The following DYNC2LI1 variants were observed in gnomAD, a reference collection of about 807,000 sequenced individuals.
DYNC2LI1 encodes dynein cytoplasmic 2 light intermediate chain 1.
In DYNC2LI1, 45 loss-of-function variants were observed where a neutral mutation model predicts 51.9. The ratio of observed to expected loss-of-function variants is 0.87; its 90% CI spans 0.68 to 1.11. The LOEUF (loss-of-function observed/expected upper bound fraction) is 1.11, where lower values mean the gene tolerates loss of function less well. Among genes scored for constraint, DYNC2LI1 ranks in the 50% most tolerant of loss-of-function variants. The pLI is 0.00. For synonymous variants in DYNC2LI1, 130 were observed against 137.8 expected (o/e 0.94, Z 0.40); for missense variants, 490 against 417.4 (o/e 1.17, Z -1.51).
At chr2:43,795,823 A>G in intron 6 of DYNC2LI1, 67 bp from the exon 7 acceptor site, 2 of 1,213,974 alleles carry the variant, frequency 1.6e-6, no homozygotes, top group Middle Eastern at 1.9e-4. Flanking sequence ...TTTGGAAGTA[A>G]ATAGAAATTG....
intron 3 of DYNC2LI1, among the ~76,000 whole-genome samples, chr2:43,785,397 C>T (rs536766337): frequency 2.6e-5 from 4 of 151,912 alleles, no homozygotes; most frequent in African/African-American, 9.6e-5. Flanking sequence ...ATGGATGAAC[C>T]TTGAGGCATT....
intron 12 of DYNC2LI1, among the ~76,000 whole-genome samples, chr2:43,807,562 C>G (rs13384972): frequency 0.21 from 32,214 of 151,586 alleles, 3,920 homozygotes; most frequent in African/African-American, 0.31. Context: ...ATCTCAGCCT[C>G]TCAAGTAGCT....
chr2:43,824,072 G>A, the DYNC2LI1 span: 14 of 1,614,164 alleles, frequency 8.7e-6, no homozygotes, highest in Middle Eastern at 1.6e-4. Context: ...TGAAGGAGAC[G>A]CGTAATCACT....
rs1010560337 is a variant in DYNC2LI1 at position 43,800,824 on chromosome 2, T to C, written c.655-17T>C. ...GGAAAATAGAGCATGTAATTTGTTC[T>C]CCTGATTTGTTTAAAGTTTACCAGT... On this transcript the variant is annotated splice_polypyrimidine_tract_variant and intron_variant, in intron 8 of 12. Coordinates refer to ENST00000260605, the MANE Select transcript of DYNC2LI1 (RefSeq NM_016008.4). 9.6e-6 allele frequency: 14 copies of C among 1,454,302 alleles called. No homozygotes were observed. The highest frequency in any genetic ancestry group is 1.3e-5 in the Non-Finnish European group (14 of 1,053,776). 90.1% of individuals were successfully genotyped at this position (1,454,302 alleles called of 1,614,324 possible). A position where few individuals can be genotyped will look rare whatever the true frequency, so the allele number is the denominator to read the frequency against.
At chr2:43,813,708 C>CCTT (rs1558715512), downstream of DYNC2LI1, among the ~76,000 whole-genome samples, 2 of 35,372 alleles carry the variant, frequency 5.7e-5, no homozygotes, top group African/African-American at 1.0e-4. Flanking sequence ...TTTTTTTTTT[C>CCTT]GTTTTTTTTT....
the DYNC2LI1 span, among the ~76,000 whole-genome samples, chr2:43,818,305 A>G: frequency 1.3e-5 from 2 of 152,038 alleles, no homozygotes; most frequent in Admixed American, 6.5e-5. Context: ...TTAGCCGAGC[A>G]TGGTGGCGCA....
At chr2:43,801,349 T>A in intron 9 of DYNC2LI1, 1 of 206,268 alleles carries the variant, frequency 4.8e-6, no homozygotes. Flanking sequence ...TTTTACTGAT[T>A]TGAAATGGAA....
At chr2:43,826,543 A>C in the DYNC2LI1 span, 1 of 1,614,168 alleles carries the variant, frequency 6.2e-7, no homozygotes, top group East Asian at 2.2e-5. Flanking sequence ...GAAGGGCCAG[A>C]CTTCTAAGGT....
the DYNC2LI1 span, chr2:43,826,454 G>A: frequency 6.2e-7 from 1 of 1,614,174 alleles, no homozygotes; most frequent in Non-Finnish European, 8.5e-7. Flanking sequence ...GTTCCACCAG[G>A]AGGACGACAA....
intron 12 of DYNC2LI1, among the ~76,000 whole-genome samples, chr2:43,807,507 A>AT (rs1666306361): frequency 6.6e-6 from 1 of 151,900 alleles, no homozygotes; most frequent in African/African-American, 2.4e-5. Flanking sequence ...TGGGGAGATC[A>AT]TGGCTCACTG....
downstream of DYNC2LI1, among the ~76,000 whole-genome samples, chr2:43,811,024 C>T (rs1458467381): frequency 6.6e-5 from 10 of 152,296 alleles, no homozygotes; most frequent in East Asian, 1.9e-3. Context: ...CTTGAAGTCA[C>T]GTGTGATGTC....
At chr2:43,804,898 TAA>T (rs200696232) in intron 11 of DYNC2LI1, among the ~76,000 whole-genome samples, 159 bp downstream of exon 11, 56 of 144,242 alleles carry the variant, frequency 3.9e-4, no homozygotes, top group Admixed American at 3.5e-4. Flanking sequence ...CTGTGGGGGT[TAA>T]AAAAAAAAAA....
At chr2:43,802,374 GT>G (rs755071472) in intron 10 of DYNC2LI1, among the ~76,000 whole-genome samples, 1,452 of 135,454 alleles carry the variant, frequency 0.011, 14 homozygotes, top group African/African-American at 0.028. Flanking sequence ...GGGCAGTAGG[GT>G]TTTTTTTTTT....
intron 3 of DYNC2LI1, 116 bp from the exon 4 acceptor site, chr2:43,787,065 G>C: frequency 1.4e-6 from 1 of 717,478 alleles, no homozygotes; most frequent in Non-Finnish European, 2.4e-6. Context: ...TATTATACAA[G>C]GTAACTTCTC....
At chr2:43,795,055 A>G (rs1673969699) in intron 6 of DYNC2LI1, 3 of 1,036,278 alleles carry the variant, frequency 2.9e-6, no homozygotes, top group South Asian at 4.4e-5. Flanking sequence ...TGTATTTTAC[A>G]TTCATTTCGT....
downstream of DYNC2LI1, among the ~76,000 whole-genome samples, chr2:43,814,110 T>C (rs1246984322): frequency 1.3e-5 from 2 of 152,136 alleles, no homozygotes; most frequent in Admixed American, 1.3e-4. Flanking sequence ...GTAGCTTTAT[T>C]TAGCTATGTA....
At chr2:43,781,001 G>T (rs1190499199) in intron 2 of DYNC2LI1, among the ~76,000 whole-genome samples, 1 of 152,124 alleles carries the variant, frequency 6.6e-6, no homozygotes, top group East Asian at 1.9e-4. Context: ...CTTGATTTCA[G>T]TTCCCAGATT....
intron 8 of DYNC2LI1, among the ~76,000 whole-genome samples, chr2:43,797,586 C>T (rs980615168): frequency 6.7e-5 from 9 of 134,764 alleles, no homozygotes; most frequent in African/African-American, 2.6e-4. Flanking sequence ...ATAGCATGGT[C>T]TCGGCTCACT....
chr2:43,820,591 C>A, the DYNC2LI1 span, among the ~76,000 whole-genome samples: 1 of 152,166 alleles, frequency 6.6e-6, no homozygotes, highest in Non-Finnish European at 1.5e-5. Context: ...TCAGGTTAGC[C>A]CTCCCCAGCC....
Sources: gnomAD v4.1 joint callset for allele counts (sites outside exome capture counted in the v4.1 genomes callset) on GRCh38, gnomAD v4.1.1 for gene constraint, MANE v1.5 for transcripts, NCBI Gene and HGNC (gene_info 2026-07-23, HGNC 2026-07-21) for gene names.